CSMD3: variants seen among roughly 807,000 people sequenced by gnomAD.
The protein encoded by CSMD3 is CUB and sushi domain-containing protein 3.
CSMD3 carries 177 observed loss-of-function variants against 435.2 expected under a neutral mutation model. That is an observed-to-expected ratio of 0.41 (90% CI 0.36 to 0.46). The LOEUF (loss-of-function observed/expected upper bound fraction) is 0.46, where lower values mean the gene tolerates loss of function less well. Ranked by LOEUF, CSMD3 falls within the 20% of genes least tolerant of loss-of-function variation. The pLI is 0.34. For missense variants in CSMD3, 4,265 were observed against 4,504.6 expected (o/e 0.95, Z 1.52); for synonymous variants, 1,656 against 1,520.5 (o/e 1.09, Z -2.07).
intron 1 of CSMD3, among the ~76,000 whole-genome samples, chr8:113,421,085 A>T (rs2129943862): frequency 6.6e-6 from 1 of 152,322 alleles, no homozygotes; most frequent in Non-Finnish European, 1.5e-5. Flanking sequence ...AAACACGAAG[A>T]ATACATAAGA....
At position 113,022,188 on chromosome 8, in the gene CSMD3, G is replaced by A. The variant is rs188760997; in HGVS notation, c.918-3009C>T. On this transcript the variant is annotated intron_variant, in intron 5 of 70. Coordinates refer to ENST00000297405, the MANE Select transcript of CSMD3 (RefSeq NM_198123.2). ...AGGGATTGAGAATATATGCCACTTG[G>A]AAAGATTCCATTAAACTACTTAATT... Among the ~76,000 whole-genome samples the A allele has an allele frequency of 4.1e-4, 62 of 152,204 alleles. 2 individuals are homozygous for A. The highest frequency in any genetic ancestry group is 3.7e-3 in the Admixed American group (56 of 15,286).
At chr8:113,405,804 C>G (rs932744009) in intron 1 of CSMD3, among the ~76,000 whole-genome samples, 1 of 151,660 alleles carries the variant, frequency 6.6e-6, no homozygotes, top group Non-Finnish European at 1.5e-5. Flanking sequence ...AAATTTTCAG[C>G]CTATGATCTA....
intron 51 of CSMD3, among the ~76,000 whole-genome samples, chr8:112,305,457 C>T (rs112259833): frequency 3.9e-5 from 6 of 152,058 alleles, no homozygotes; most frequent in African/African-American, 1.4e-4. Flanking sequence ...TTATTCACAT[C>T]AATATTTTCT....
chr8:112,244,720 T>C, intron 64 of CSMD3, 147 bp from the exon 65 acceptor site: 6 of 641,930 alleles, frequency 9.3e-6, no homozygotes, highest in Non-Finnish European at 8.1e-6. Context: ...CACAAAAATG[T>C]TTCAATGCAA....
At chr8:112,930,955 T>C (rs1490604050) in intron 9 of CSMD3, among the ~76,000 whole-genome samples, 2 of 152,096 alleles carry the variant, frequency 1.3e-5, no homozygotes, top group Non-Finnish European at 1.5e-5. Context: ...GAATATTAAG[T>C]TGCTATTGCC....
At chr8:113,026,660 T>A (rs1038094701) in intron 5 of CSMD3, among the ~76,000 whole-genome samples, 1 of 152,210 alleles carries the variant, frequency 6.6e-6, no homozygotes, top group Admixed American at 6.5e-5. Context: ...GAGAAGTTAT[T>A]TGGGCACATG....
intron 31 of CSMD3, among the ~76,000 whole-genome samples, chr8:112,488,404 C>A (rs151165712): frequency 6.6e-6 from 1 of 152,030 alleles, no homozygotes; most frequent in South Asian, 2.1e-4. Context: ...TAAGAAAAAG[C>A]GAAATGTAGT....
At chr8:112,343,867 GATTATTTATTT>G (rs1825411222) in intron 41 of CSMD3, among the ~76,000 whole-genome samples, 1 of 151,394 alleles carries the variant, frequency 6.6e-6, no homozygotes, top group Non-Finnish European at 1.5e-5. Flanking sequence ...CAGGCTGGTT[GATTATTTATTT>G]ATTATTTATT....
chr8:113,180,983 A>G (rs926634949), intron 3 of CSMD3, among the ~76,000 whole-genome samples: 1 of 152,016 alleles, frequency 6.6e-6, no homozygotes, highest in Non-Finnish European at 1.5e-5. Context: ...AAAGGTTCAG[A>G]GTTGCTAATC....
intron 2 of CSMD3, among the ~76,000 whole-genome samples, chr8:113,290,615 A>T (rs1316604657): frequency 6.6e-6 from 1 of 151,680 alleles, no homozygotes; most frequent in Admixed American, 6.6e-5. Context: ...ATTATTTCTA[A>T]TCATTTTAGG....
intron 13 of CSMD3, among the ~76,000 whole-genome samples, chr8:112,786,481 A>C (rs1326595155): frequency 1.3e-5 from 2 of 152,088 alleles, no homozygotes; most frequent in East Asian, 1.9e-4. Flanking sequence ...AAGAGAAAAC[A>C]CACAAAATGG....
At chr8:112,690,371 G>A (rs949245611) in intron 13 of CSMD3, among the ~76,000 whole-genome samples, 3 of 151,856 alleles carry the variant, frequency 2.0e-5, no homozygotes, top group African/African-American at 7.2e-5. Context: ...ATACATAAAT[G>A]TACACACACA....
intron 53 of CSMD3, among the ~76,000 whole-genome samples, chr8:112,301,068 T>C (rs1820876806): frequency 6.6e-6 from 1 of 152,076 alleles, no homozygotes; most frequent in African/African-American, 2.4e-5. Context: ...CCTAACTCAA[T>C]ACTTGCTGTC....
At chr8:112,252,063 G>T (rs779987446) in intron 63 of CSMD3, among the ~76,000 whole-genome samples, 2 of 151,926 alleles carry the variant, frequency 1.3e-5, no homozygotes, top group Non-Finnish European at 2.9e-5. Flanking sequence ...AAGAAAAAGA[G>T]AGTGAACAAA....
chr8:112,287,139 A>G lies in CSMD3; in HGVS notation c.9256T>C (p.Tyr3086His). 6.2e-7 allele frequency: 1 copy of G among 1,613,784 alleles called. No homozygotes were observed. The highest frequency in any genetic ancestry group is 8.5e-7 in the Non-Finnish European group (1 of 1,179,838). ...STVRYACDTG[Y>H]ILHGSEERTC... ...CTTTCTTCTGAGCCATGAAGGATGT[A>G]ACCAGTATCACAAGCATAACGTACA... Residue 3086 changes from tyrosine (Y) to histidine (H), a missense_variant, in exon 58 of 71, where the codon TAC (tyrosine) becomes CAC (histidine). Tyr to His is a moderately conservative substitution (Grantham distance 83). This residue lies in a region of CSMD3 where 3,255 missense variants were observed against 3,380.2 expected (regional missense o/e 0.96). Transcript: ENST00000297405.
chr8:113,058,143 C>T (rs1471431921), intron 5 of CSMD3, among the ~76,000 whole-genome samples: 2 of 151,814 alleles, frequency 1.3e-5, no homozygotes, highest in Non-Finnish European at 2.9e-5. Flanking sequence ...AGAATATTTA[C>T]ATCAGTTGGT....
At chr8:112,773,441 A>C (rs2078170642) in intron 13 of CSMD3, among the ~76,000 whole-genome samples, 1 of 152,080 alleles carries the variant, frequency 6.6e-6, no homozygotes, top group Non-Finnish European at 1.5e-5. Flanking sequence ...CAGAAAATTA[A>C]AAGAAAAAAT....
intron 3 of CSMD3, among the ~76,000 whole-genome samples, chr8:113,222,852 G>A (rs1232277729): frequency 1.3e-5 from 2 of 150,814 alleles, no homozygotes; most frequent in East Asian, 3.9e-4. Context: ...ATTTTTGTTC[G>A]ATGTTAATTC....
chr8:112,254,413 G>A, intron 62 of CSMD3, 87 bp from the exon 63 acceptor site: 1 of 906,618 alleles, frequency 1.1e-6, no homozygotes. Context: ...AATAATCTGG[G>A]GTTTGGTACA....
Sources: allele counts gnomAD v4.1 joint callset (sites outside exome capture counted in the v4.1 genomes callset), GRCh38; gene constraint gnomAD v4.1.1; regional missense constraint gnomAD v4.1.1; transcripts MANE v1.5; gene names NCBI Gene and HGNC (gene_info 2026-07-23, HGNC 2026-07-21).